CACNA1C: variants seen among roughly 807,000 people sequenced by gnomAD.
The protein encoded by CACNA1C is voltage-dependent L-type calcium channel subunit alpha-1C.
In CACNA1C, 30 loss-of-function variants were observed where a neutral mutation model predicts 229.0. That is an observed-to-expected ratio of 0.13 (90% CI 0.10 to 0.18). The LOEUF (loss-of-function observed/expected upper bound fraction) is 0.18. Among genes scored for constraint, CACNA1C ranks in the 10% least tolerant of loss-of-function variants. CACNA1C has a pLI of 1.00. For synonymous variants in CACNA1C, 1,114 were observed against 1,132.5 expected, an observed-to-expected ratio of 0.98 and a Z score of 0.33; for missense variants, 1,658 against 2,845.0, an observed-to-expected ratio of 0.58 and a Z score of 9.49.
chr12:2,471,998 T>C lies in CACNA1C; in HGVS notation c.758-14106T>C, dbSNP rs181223417. ...CTGGCCTGATATTATTGTTATTATT[T>C]CCCTGCACATAATGTTTCTTCCTTT... On this transcript the variant is annotated intron_variant, in intron 5 of 46. Transcript: ENST00000399655. 7.8e-4 allele frequency among the ~76,000 whole-genome samples: 119 copies of C among 152,334 alleles called. No homozygotes were observed. In the Middle Eastern group the frequency reaches 0.01, roughly 13 times the overall value.
At chr12:2,187,055 G>A (rs57997898) in intron 3 of CACNA1C, among the ~76,000 whole-genome samples, 2,773 of 149,822 alleles carry the variant, frequency 0.019, 91 homozygotes, top group African/African-American at 0.066. Flanking sequence ...TGCTCAGCTT[G>A]TTGCCAGCAG....
At chr12:2,200,163 G>A (rs952002719) in intron 3 of CACNA1C, among the ~76,000 whole-genome samples, 1 of 152,142 alleles carries the variant, frequency 6.6e-6, no homozygotes, top group African/African-American at 2.4e-5. Context: ...TTATTATTAT[G>A]TTTTAATCCA....
At chr12:2,336,770 G>A (rs369546563) in intron 3 of CACNA1C, among the ~76,000 whole-genome samples, 6 of 152,256 alleles carry the variant, frequency 3.9e-5, no homozygotes, top group East Asian at 3.9e-4. Context: ...GCATCTGGGC[G>A]GAGGTTTCTG....
At chr12:2,104,015 C>T (rs1187005577) in intron 1 of CACNA1C, among the ~76,000 whole-genome samples, 3 of 152,150 alleles carry the variant, frequency 2.0e-5, no homozygotes, top group African/African-American at 7.2e-5. Flanking sequence ...TAGCGTGATG[C>T]CCCCAGCTTT....
rs1238190467 is a variant in CACNA1C, at chr12:2,601,277, C to T, written c.2854-577C>T. Among the ~76,000 whole-genome samples, 1 of 152,184 alleles carries T rather than the reference C, an allele frequency of 6.6e-6. No individual in the cohort carries two copies. Among genetic ancestry groups the T allele is most frequent in the Non-Finnish European group, 1.5e-5 (1 of 68,040 alleles). On this transcript the variant is annotated intron_variant, in intron 21 of 46. Coordinates refer to ENST00000399655, the MANE Select transcript of CACNA1C (RefSeq NM_000719.7). This position sits in a 1 kb window ranked among gnomAD's most constrained non-coding sequence, Gnocchi z 5.9. ...ACTTCTCACCAGGCACCAGGGTGAC[C>T]AGCTGGCCTAGTTTGCCTAAGACTG...
intron 18 of CACNA1C, among the ~76,000 whole-genome samples, chr12:2,587,600 AT>A (rs1462857151): frequency 3.3e-5 from 5 of 152,080 alleles, no homozygotes; most frequent in Admixed American, 6.5e-5. Flanking sequence ...AAGAATGTTA[AT>A]TTTAAAAAAA....
At position 2,376,041 on chromosome 12, in the gene CACNA1C, T is replaced by C. The variant is rs1012555864; in HGVS notation, c.478-72935T>C. On this transcript the variant is annotated intron_variant, in intron 3 of 46. Coordinates refer to ENST00000399655, the MANE Select transcript of CACNA1C (RefSeq NM_000719.7). The stretch of plus-strand genomic sequence containing the variant: ...AGAGGACAAGCAGGGCCCCAGGCAG[T>C]TTGGCTGGTGCCCAGCACAGGGCCT... Among the ~76,000 whole-genome samples, 6 of 152,294 alleles carry C rather than the reference T, an allele frequency of 3.9e-5. No individual in the cohort carries two copies. In the East Asian group the frequency reaches 1.2e-3, roughly 29 times the overall value.
intron 1 of CACNA1C, among the ~76,000 whole-genome samples, chr12:2,089,479 G>C (rs754484091): frequency 5.6e-4 from 85 of 152,178 alleles, no homozygotes; most frequent in Non-Finnish European, 6.0e-4. Context: ...AGATCTCTTG[G>C]GGGAGACAAA....
intron 3 of CACNA1C, among the ~76,000 whole-genome samples, chr12:2,440,037 C>G (rs115356408): frequency 0.011 from 1,732 of 152,302 alleles, 41 homozygotes; most frequent in African/African-American, 0.04. Context: ...CTAGGCTCAC[C>G]CTGCGCATCT....
At position 2,552,705 on chromosome 12, in the gene CACNA1C, G is replaced by C. The variant is rs1467444520; in HGVS notation, c.1481+2672G>C. Among the ~76,000 whole-genome samples the C allele has an allele frequency of 2.0e-5, 3 of 152,324 alleles. No homozygotes were observed. The East Asian group carries it at 5.8e-4, about 29-fold the overall frequency. ...CAGAGGGAAAGAAGGGCTGTGTTGT[G>C]TGTGTGTTCTGGGGTGCTACCCCTC... On this transcript the variant is annotated intron_variant, in intron 10 of 46. Coordinates refer to ENST00000399655, the MANE Select transcript of CACNA1C (RefSeq NM_000719.7).
chr12:2,533,639 A>G (rs1193011030), intron 9 of CACNA1C, among the ~76,000 whole-genome samples: 2 of 152,096 alleles, frequency 1.3e-5, no homozygotes, highest in African/African-American at 4.8e-5. Flanking sequence ...TGGAGAGGAA[A>G]GGACAGGGGA....
At position 2,467,057 on chromosome 12, in the gene CACNA1C, T is replaced by C. The variant is rs933457510; in HGVS notation, c.757+9351T>C. 7.9e-5 allele frequency among the ~76,000 whole-genome samples: 12 copies of C among 152,194 alleles called. No homozygotes were observed. The highest frequency in any genetic ancestry group is 1.6e-4 in the Non-Finnish European group (11 of 68,018). Reference sequence around the variant, plus strand: ...AAAGCTACTTATGAGGACAGGGGCATGTGCAGGGGGCCACCCCTGAGGCCG... The same window carrying C: ...AAAGCTACTTATGAGGACAGGGGCACGTGCAGGGGGCCACCCCTGAGGCCG... On this transcript the variant is annotated intron_variant, in intron 5 of 46. Transcript: ENST00000399655. This position sits in a 1 kb window ranked among gnomAD's most constrained non-coding sequence, Gnocchi z 4.6.
chr12:2,382,552 A>G (rs1336944212), intron 3 of CACNA1C, among the ~76,000 whole-genome samples: 5 of 152,174 alleles, frequency 3.3e-5, no homozygotes, highest in Non-Finnish European at 7.3e-5. Context: ...TCACATTTCA[A>G]TCCTGTGCTG....
rs1395679135 is a variant in CACNA1C, at chr12:2,632,278, G to A, written c.3829-2019G>A. Reference sequence around the variant, plus strand: ...CCCTCCACCCATGGGGAATATGACCGCCTGTAGCTGGGGGTGTATGGGGAC... The same window carrying A: ...CCCTCCACCCATGGGGAATATGACCACCTGTAGCTGGGGGTGTATGGGGAC... On this transcript the variant is annotated intron_variant, in intron 29 of 46. Coordinates refer to ENST00000399655, the MANE Select transcript of CACNA1C (RefSeq NM_000719.7). The surrounding 1 kb of genome is among the most constrained non-coding windows in gnomAD (Gnocchi z 4.1). 4.4e-5 allele frequency among the ~76,000 whole-genome samples: 4 copies of A among 91,738 alleles called. No individual in the cohort carries two copies. The highest frequency in any genetic ancestry group is 8.8e-5 in the African/African-American group (2 of 22,724). 60.2% of individuals were successfully genotyped at this position (91,738 alleles called of 152,430 possible). A position where few individuals can be genotyped will look rare whatever the true frequency, so the allele number is the denominator to read the frequency against.
intron 11 of CACNA1C, among the ~76,000 whole-genome samples, chr12:2,565,619 G>A (rs1191228603): frequency 6.6e-6 from 1 of 152,232 alleles, no homozygotes; most frequent in Non-Finnish European, 1.5e-5. Context: ...CACTGACAAA[G>A]GCTCCTAAAC....
intron 3 of CACNA1C, among the ~76,000 whole-genome samples, chr12:2,156,285 T>C (rs2095550949): frequency 6.6e-6 from 1 of 152,236 alleles, no homozygotes; most frequent in Admixed American, 6.5e-5. Flanking sequence ...ATGTCATATG[T>C]ACCTTTTAAA....
chr12:2,434,663 A>G (rs2099117098), intron 3 of CACNA1C, among the ~76,000 whole-genome samples: 2 of 152,190 alleles, frequency 1.3e-5, no homozygotes, highest in African/African-American at 4.8e-5. Flanking sequence ...TGGCATGTCC[A>G]AGTCCCCTGG....
intron 5 of CACNA1C, among the ~76,000 whole-genome samples, chr12:2,478,535 G>A (rs2099643152): frequency 6.6e-6 from 1 of 152,188 alleles, no homozygotes; most frequent in Admixed American, 6.5e-5. Context: ...TGAGACCTGT[G>A]TCACGCTTCT....
chr12:2,252,103 G>C (rs2075794616), intron 3 of CACNA1C, among the ~76,000 whole-genome samples: 1 of 152,174 alleles, frequency 6.6e-6, no homozygotes, highest in Non-Finnish European at 1.5e-5. Flanking sequence ...ATTGTTATTT[G>C]TGAAGTATCC....
Sources: gnomAD v4.1 joint callset for allele counts (sites outside exome capture counted in the v4.1 genomes callset) on GRCh38, gnomAD v4.1.1 for gene constraint, Gnocchi (gnomAD v3.1) non-coding constraint, MANE v1.5 for transcripts, NCBI Gene and HGNC (gene_info 2026-07-23, HGNC 2026-07-21) for gene names.